The following XRCC4 variants were observed in gnomAD, a reference collection of about 807,000 sequenced individuals.
The protein encoded by XRCC4 is DNA repair protein XRCC4.
In XRCC4, 28 loss-of-function variants were observed where a neutral mutation model predicts 39.1. The observed-to-expected ratio is 0.72, with a 90% CI of 0.53 to 0.98. The LOEUF (loss-of-function observed/expected upper bound fraction) is 0.98. XRCC4 is among the 50% of genes least tolerant of loss of function. The pLI, the probability that XRCC4 is intolerant of heterozygous loss-of-function variation, is 0.00. For synonymous variants in XRCC4, 123 were observed against 126.4 expected, an observed-to-expected ratio of 0.97 and a Z score of 0.18; for missense variants, 350 against 376.4, an observed-to-expected ratio of 0.93 and a Z score of 0.58.
intron 3 of XRCC4, among the ~76,000 whole-genome samples, chr5:83,120,125 G>T (rs1475472686): frequency 6.6e-6 from 1 of 151,836 alleles, no homozygotes; most frequent in East Asian, 1.9e-4. Context: ...ATTAATATTT[G>T]CTTATTTTCA....
At chr5:83,352,265 T>C (rs1295742260) in intron 7 of XRCC4, among the ~76,000 whole-genome samples, 2 of 152,180 alleles carry the variant, frequency 1.3e-5, no homozygotes, top group Non-Finnish European at 2.9e-5. Flanking sequence ...TTACCAAGTA[T>C]TACTGGGTTA....
chr5:83,299,018 C>G (rs1010962776), intron 7 of XRCC4, among the ~76,000 whole-genome samples: 1 of 151,786 alleles, frequency 6.6e-6, no homozygotes, highest in African/African-American at 2.4e-5. Flanking sequence ...AAATTTATAG[C>G]TTTCATTTTT....
intron 3 of XRCC4, among the ~76,000 whole-genome samples, chr5:83,118,143 A>T (rs1480235638): frequency 6.6e-6 from 1 of 152,052 alleles, no homozygotes; most frequent in African/African-American, 2.4e-5. Context: ...ATTAATGCAA[A>T]GTCTACTTCT....
intron 7 of XRCC4, among the ~76,000 whole-genome samples, chr5:83,260,525 C>T (rs1466619534): frequency 6.6e-6 from 1 of 152,030 alleles, no homozygotes; most frequent in East Asian, 1.9e-4. Context: ...AGAGCTGCAT[C>T]TTAGGTCTTT....
intron 4 of XRCC4, among the ~76,000 whole-genome samples, chr5:83,196,810 G>C (rs553028540): frequency 6.6e-6 from 1 of 151,708 alleles, no homozygotes; most frequent in East Asian, 1.9e-4. Context: ...CATGGGAACA[G>C]TTTATCCAAC....
chr5:83,292,875 T>C (rs1456362068), intron 7 of XRCC4, among the ~76,000 whole-genome samples: 1 of 151,980 alleles, frequency 6.6e-6, no homozygotes, highest in South Asian at 2.1e-4. Context: ...TTTCTCTTAG[T>C]TTTTATGAAA....
intron 4 of XRCC4, among the ~76,000 whole-genome samples, chr5:83,197,022 A>G (rs1750980417): frequency 6.6e-6 from 1 of 151,620 alleles, no homozygotes; most frequent in African/African-American, 2.4e-5. Context: ...TAAGTTCCTA[A>G]CATCTAGTGT....
chr5:83,101,900 A>G (rs1215812116), intron 1 of XRCC4, among the ~76,000 whole-genome samples: 1 of 152,142 alleles, frequency 6.6e-6, no homozygotes, highest in Non-Finnish European at 1.5e-5. Flanking sequence ...CATCAACAAA[A>G]ATTACAAACA....
chr5:83,361,770 T>C, the XRCC4 span, among the ~76,000 whole-genome samples: 1 of 152,010 alleles, frequency 6.6e-6, no homozygotes, highest in Non-Finnish European at 1.5e-5. Context: ...TATAGGCATC[T>C]GCCACCATGC....
At chr5:83,369,315 T>C in the XRCC4 span, among the ~76,000 whole-genome samples, 2 of 152,158 alleles carry the variant, frequency 1.3e-5, no homozygotes, top group African/African-American at 2.4e-5. Context: ...TTTTGCGAGA[T>C]GCTGAGGTTT....
rs28360173 is a variant in XRCC4, at chr5:83,220,545, G to A, written c.745+15624G>A. Among the ~76,000 whole-genome samples the A allele has an allele frequency of 2.5e-3, 375 of 152,222 alleles. 2 individuals carry two copies. Among genetic ancestry groups the A allele is most frequent in the African/African-American group, 8.7e-3 (360 of 41,538 alleles). Reference sequence around the variant, plus strand: ...CCACGACTTAACTCTGAGGGCCTGGGGATGTGTGAAGGATGGATATCAGCA... The same window carrying A: ...CCACGACTTAACTCTGAGGGCCTGGAGATGTGTGAAGGATGGATATCAGCA... On this transcript the variant is annotated intron_variant, in intron 6 of 7. Coordinates refer to ENST00000396027, the MANE Select transcript of XRCC4 (RefSeq NM_003401.5).
chr5:83,288,150 A>G (rs1028402956), intron 7 of XRCC4, among the ~76,000 whole-genome samples: 5 of 151,912 alleles, frequency 3.3e-5, no homozygotes, highest in South Asian at 2.1e-4. Flanking sequence ...TATGATTTCT[A>G]TTCTTAATTT....
intron 6 of XRCC4, among the ~76,000 whole-genome samples, chr5:83,208,264 C>G (rs1751494861): frequency 6.6e-6 from 1 of 151,944 alleles, no homozygotes; most frequent in Non-Finnish European, 1.5e-5. Flanking sequence ...TACAATCATA[C>G]TTTTGTAAAT....
At chr5:83,247,939 C>T (rs1033100807) in intron 6 of XRCC4, among the ~76,000 whole-genome samples, 1 of 152,144 alleles carries the variant, frequency 6.6e-6, no homozygotes, top group African/African-American at 2.4e-5. Context: ...AGTCAGTGAC[C>T]TTTACCACTT....
intron 3 of XRCC4, among the ~76,000 whole-genome samples, chr5:83,147,081 A>T (rs1381946321): frequency 6.6e-6 from 1 of 152,214 alleles, no homozygotes; most frequent in Non-Finnish European, 1.5e-5. Context: ...GTGATCTTTA[A>T]CAACTTCTCA....
chr5:83,309,705 A>C lies in XRCC4; in HGVS notation c.894-43426A>C, dbSNP rs1468726269. On this transcript the variant is annotated intron_variant, in intron 7 of 7. Transcript: ENST00000396027. ...CGTGAACCCGGGAGGCGGAGGTTGC[A>C]GTGATCGCGCCACTGCACTCCAGCC... Among the ~76,000 whole-genome samples, 3 of 134,496 alleles carry C rather than the reference A, an allele frequency of 2.2e-5. No individual in the cohort carries two copies. In the East Asian group the frequency reaches 7.2e-4, roughly 32 times the overall value. The allele number at this position is 134,496 out of a possible 152,430, so 88.2% of individuals were successfully genotyped here.
rs188240590 is a variant in XRCC4 at position 83,176,536 on chromosome 5, G to A, written c.316-19234G>A. On this transcript the variant is annotated intron_variant, in intron 3 of 7. Coordinates refer to ENST00000396027, the MANE Select transcript of XRCC4 (RefSeq NM_003401.5). ...TAGTTACTTTCTAGGGACATGTTTT[G>A]TGACACAATGCCTCCCTTTCCTGGG... Among the ~76,000 whole-genome samples, 238 of 152,178 alleles carry A rather than the reference G, an allele frequency of 1.6e-3. 2 individuals carry two copies. The highest frequency in any genetic ancestry group is 2.8e-3 in the Admixed American group (43 of 15,270).
intron 3 of XRCC4, among the ~76,000 whole-genome samples, chr5:83,177,251 C>T (rs1366957162): frequency 2.0e-5 from 3 of 152,178 alleles, no homozygotes; most frequent in Middle Eastern, 3.4e-3. Context: ...AATGCATTGA[C>T]TTTAAAACAA....
chr5:83,092,863 A>G (rs76219553), intron 1 of XRCC4, among the ~76,000 whole-genome samples: 6,495 of 152,210 alleles, frequency 0.043, 425 homozygotes, highest in African/African-American at 0.14. Context: ...GAGATGAAGA[A>G]GGAAACAAAA....
Sources: gnomAD v4.1 joint callset for allele counts (sites outside exome capture counted in the v4.1 genomes callset) on GRCh38, gnomAD v4.1.1 for gene constraint, MANE v1.5 for transcripts, NCBI Gene and HGNC (gene_info 2026-07-23, HGNC 2026-07-21) for gene names.